RNF185: variants seen among roughly 807,000 people sequenced by gnomAD.
The protein encoded by RNF185 is ring finger protein 185, also known as E3 ubiquitin-protein ligase RNF185.
RNF185 carries 13 observed loss-of-function variants against 24.9 expected under a neutral mutation model. That is an observed-to-expected ratio of 0.52 (90% CI 0.34 to 0.83). The LOEUF is 0.83. Among genes scored for constraint, RNF185 ranks in the 40% least tolerant of loss-of-function variants. The pLI, the probability that RNF185 is intolerant of heterozygous loss-of-function variation, is 0.01. For missense variants in RNF185, 184 were observed against 244.7 expected (o/e 0.75, Z 1.65); for synonymous variants, 79 against 90.3 (o/e 0.88, Z 0.71).
intron 1 of RNF185, among the ~76,000 whole-genome samples, chr22:31,181,185 T>C (rs2147938439): frequency 6.6e-6 from 1 of 151,690 alleles, no homozygotes; most frequent in African/African-American, 2.4e-5. Flanking sequence ...TTCTACAAAA[T>C]AATTTAAAAA....
intron 1 of RNF185, among the ~76,000 whole-genome samples, chr22:31,162,194 C>T (rs946361458): frequency 3.9e-5 from 6 of 152,152 alleles, no homozygotes; most frequent in African/African-American, 7.2e-5. Context: ...CTTGCTCCCC[C>T]GCCGCCACAA....
At chr22:31,163,772 C>G (rs942746257) in intron 1 of RNF185, among the ~76,000 whole-genome samples, 1 of 151,772 alleles carries the variant, frequency 6.6e-6, no homozygotes, top group Admixed American at 6.6e-5. Context: ...CTCCCGGGCT[C>G]AAGCAATTCT....
At chr22:31,194,393 A>C (rs1292270631) in intron 3 of RNF185, among the ~76,000 whole-genome samples, 1 of 152,070 alleles carries the variant, frequency 6.6e-6, no homozygotes, top group East Asian at 1.9e-4. Flanking sequence ...TTATCTCCTG[A>C]TTCTGATGCC....
intron 5 of RNF185, among the ~76,000 whole-genome samples, 176 bp from the exon 6 acceptor site, chr22:31,201,322 C>T (rs1437736443): frequency 6.6e-6 from 1 of 152,234 alleles, no homozygotes; most frequent in Non-Finnish European, 1.5e-5. Context: ...CAGAGTTCCT[C>T]TACTTCAGGG....
Position 31,187,050 on chromosome 22 carries a change from T to C in RNF185, c.-45T>C. 6.4e-7 allele frequency: 1 copy of C among 1,568,914 alleles called. No individual in the cohort carries two copies. The highest frequency in any genetic ancestry group is 8.6e-7 in the Non-Finnish European group (1 of 1,160,818). ...TCAAGAGTTCTCTGCCTTTTAGGAT[T>C]TCCCTGGGGAAAGTCTTCACTCAGA... On this transcript the variant is annotated 5_prime_UTR_variant, in exon 2 of 7. Transcript: ENST00000326132.
At chr22:31,173,416 G>C (rs9606821) in intron 1 of RNF185, among the ~76,000 whole-genome samples, 37 of 146,880 alleles carry the variant, frequency 2.5e-4, no homozygotes, top group African/African-American at 5.3e-4. Context: ...CACACACACA[G>C]ACACACACAC....
At chr22:31,189,716 C>A (rs1346366578) in intron 2 of RNF185, among the ~76,000 whole-genome samples, 1 of 147,582 alleles carries the variant, frequency 6.8e-6, no homozygotes, top group Admixed American at 6.8e-5. Flanking sequence ...AGCAATTCTC[C>A]TGCCTCAGCC....
intron 6 of RNF185, among the ~76,000 whole-genome samples, chr22:31,203,709 A>G (rs914161328): frequency 6.6e-6 from 1 of 152,016 alleles, no homozygotes; most frequent in Admixed American, 6.5e-5. Flanking sequence ...TGTTCCACAT[A>G]GTTTCATTTT....
chr22:31,164,302 A>G (rs1250689930), intron 1 of RNF185, among the ~76,000 whole-genome samples: 4 of 152,016 alleles, frequency 2.6e-5, no homozygotes. Context: ...AAATAATTTT[A>G]CTCTTATACT....
intron 1 of RNF185, among the ~76,000 whole-genome samples, chr22:31,180,288 C>A (rs994458987): frequency 2.6e-5 from 4 of 152,020 alleles, no homozygotes; most frequent in Admixed American, 1.3e-4. Context: ...CATGGCGAAA[C>A]CCTGTCTCTA....
intron 1 of RNF185, among the ~76,000 whole-genome samples, chr22:31,173,048 T>C (rs1433206654): frequency 2.0e-5 from 3 of 152,200 alleles, no homozygotes; most frequent in Non-Finnish European, 2.9e-5. Flanking sequence ...CATACCTTAA[T>C]CAAACATCTA....
intron 1 of RNF185, among the ~76,000 whole-genome samples, chr22:31,165,652 C>T (rs79508338): frequency 0.021 from 3,216 of 152,282 alleles, 45 homozygotes; most frequent in Middle Eastern, 0.041. Context: ...CAAACCCAGC[C>T]ACTTCTGGCC....
chr22:31,197,573 T>C (rs577646586), intron 5 of RNF185, among the ~76,000 whole-genome samples: 1 of 152,344 alleles, frequency 6.6e-6, no homozygotes, highest in South Asian at 2.1e-4. Flanking sequence ...TTTATTAGGA[T>C]AAGACAGGGT....
At chr22:31,169,286 A>G (rs1484701098) in intron 1 of RNF185, among the ~76,000 whole-genome samples, 2 of 152,054 alleles carry the variant, frequency 1.3e-5, no homozygotes, top group African/African-American at 2.4e-5. Flanking sequence ...TCCTTTTCAG[A>G]TATATGATTT....
At chr22:31,173,591 T>C (rs2047953513) in intron 1 of RNF185, among the ~76,000 whole-genome samples, 1 of 152,196 alleles carries the variant, frequency 6.6e-6, no homozygotes, top group Non-Finnish European at 1.5e-5. Context: ...AAGCTTTGCC[T>C]CTGACTAGGT....
At chr22:31,160,647 G>A (rs758340314) in intron 1 of RNF185, among the ~76,000 whole-genome samples, 24 of 152,314 alleles carry the variant, frequency 1.6e-4, no homozygotes, top group Admixed American at 3.3e-4. Flanking sequence ...AGAAGCAGAG[G>A]CCGGGGAGCG....
intron 1 of RNF185, among the ~76,000 whole-genome samples, chr22:31,166,603 T>TTCCCC (rs1923938565): frequency 7.1e-6 from 1 of 141,708 alleles, no homozygotes; most frequent in Non-Finnish European, 1.5e-5. Context: ...TCCCCTTCCC[T>TTCCCC]TCCCCTCCTC....
At chr22:31,180,909 CTCTCTCTGTGTGTG>C (rs200229691) in intron 1 of RNF185, among the ~76,000 whole-genome samples, 4,342 of 128,832 alleles carry the variant, frequency 0.034, 317 homozygotes, top group East Asian at 0.33. Context: ...CATTTTCTCT[CTCTCTCTGTGTGTG>C]TGTGTGTGTG....
intron 5 of RNF185, among the ~76,000 whole-genome samples, chr22:31,198,651 G>T (rs1342241082): frequency 1.4e-5 from 2 of 147,380 alleles, no homozygotes; most frequent in African/African-American, 5.0e-5. Flanking sequence ...CGCCCTCCTT[G>T]GCCTCCCAAA....
Sources: gnomAD v4.1 joint callset for allele counts (sites outside exome capture counted in the v4.1 genomes callset) on GRCh38, gnomAD v4.1.1 for gene constraint, MANE v1.5 for transcripts, NCBI Gene and HGNC (gene_info 2026-07-23, HGNC 2026-07-21) for gene names.